The following ZNF362 variants were observed in gnomAD, a reference collection of about 807,000 sequenced individuals.
ZNF362 encodes the protein zinc finger protein 362.
A neutral mutation model predicts 42.9 loss-of-function variants in ZNF362; 11 were observed. That is an observed-to-expected ratio of 0.26 (90% CI 0.16 to 0.42). ZNF362 has a LOEUF of 0.42. Among genes scored for constraint, ZNF362 ranks in the 20% least tolerant of loss-of-function variants. ZNF362 has a pLI of 1.00. For synonymous variants in ZNF362, 255 were observed against 257.3 expected (o/e 0.99, Z 0.09); for missense variants, 362 against 576.2 (o/e 0.63, Z 3.81).
the ZNF362 span, among the ~76,000 whole-genome samples, chr1:33,177,051 G>GCA: frequency 2.6e-3 from 33 of 12,864 alleles, no homozygotes; most frequent in Non-Finnish European, 4.2e-3. This position sits in a 1 kb window ranked among gnomAD's most constrained non-coding sequence, Gnocchi z 4.1. Context: ...ACACACACAC[G>GCA]CACACACACA....
the ZNF362 span, among the ~76,000 whole-genome samples, chr1:33,214,060 T>G: frequency 1.3e-5 from 2 of 151,918 alleles, no homozygotes; most frequent in Non-Finnish European, 2.9e-5. Context: ...TCAATCCAAT[T>G]AAAAATGTGA....
intron 4 of ZNF362, among the ~76,000 whole-genome samples, chr1:33,279,729 C>G (rs1156936373): frequency 6.6e-6 from 1 of 151,086 alleles, no homozygotes; most frequent in Non-Finnish European, 1.5e-5. Flanking sequence ...TGTGTGCATA[C>G]ATACGTAGTT....
In ZNF362 at chr1:33,280,003, T is replaced by C. The variant is rs1340334891; in HGVS notation, c.350-121T>C. The C allele has an allele frequency of 2.5e-6, 3 of 1,208,840 alleles. No individual in the cohort carries two copies. Among genetic ancestry groups the C allele is most frequent in the Non-Finnish European group, 3.3e-6 (3 of 897,714 alleles). 74.9% of individuals were successfully genotyped at this position (1,208,840 alleles called of 1,614,324 possible). On this transcript the variant is annotated intron_variant, in intron 4 of 8. Transcript: ENST00000539719. The surrounding 1 kb of genome is among the most constrained non-coding windows in gnomAD (Gnocchi z 5.6). ...GCACAAGGTCTCATTTAGTTACCCC[T>C]GGGTAATAACTTATGAACGTTAAGG...
the ZNF362 span, among the ~76,000 whole-genome samples, chr1:33,131,435 G>A: frequency 2.0e-5 from 3 of 152,124 alleles, no homozygotes; most frequent in Non-Finnish European, 2.9e-5. Context: ...GTTAGCCACC[G>A]GCTTCCTGTG....
upstream of ZNF362, among the ~76,000 whole-genome samples, chr1:33,253,261 G>C (rs1260110533): frequency 6.8e-6 from 1 of 147,612 alleles, no homozygotes; most frequent in African/African-American, 2.5e-5. Flanking sequence ...ATGGGTGCCA[G>C]TGGCAAAGAG....
At chr1:33,198,077 T>C in the ZNF362 span, among the ~76,000 whole-genome samples, 1 of 152,050 alleles carries the variant, frequency 6.6e-6, no homozygotes. Flanking sequence ...TTAACTACAT[T>C]AAGAACAAAG....
chr1:33,182,475 A>G, the ZNF362 span, among the ~76,000 whole-genome samples: 34 of 152,206 alleles, frequency 2.2e-4, no homozygotes, highest in Non-Finnish European at 4.3e-4. Flanking sequence ...TCACACTCCT[A>G]AGCCCTGGGG....
the ZNF362 span, among the ~76,000 whole-genome samples, chr1:33,136,795 G>C: frequency 6.6e-6 from 1 of 151,296 alleles, no homozygotes; most frequent in Non-Finnish European, 1.5e-5. Context: ...TCAGGAGTCC[G>C]AGACCAGCCT....
the ZNF362 span, chr1:33,195,977 C>T: frequency 2.6e-5 from 4 of 152,104 alleles, no homozygotes; most frequent in African/African-American, 7.2e-5. Context: ...AACATGTACA[C>T]GTTGTACAGC....
At chr1:33,231,581 T>C in the ZNF362 span, among the ~76,000 whole-genome samples, 1,562 of 152,260 alleles carry the variant, frequency 0.01, 28 homozygotes, top group African/African-American at 0.036. Context: ...ACCACTTACC[T>C]GTCAGTCCAC....
At chr1:33,238,326 C>CAGAAAATAAAATAAA in the ZNF362 span, among the ~76,000 whole-genome samples, 1 of 85,178 alleles carries the variant, frequency 1.2e-5, no homozygotes, top group Non-Finnish European at 2.4e-5. Flanking sequence ...CTCAAAATAA[C>CAGAAAATAAAATAAA]ATAAAATAAA....
At chr1:33,213,981 T>A in the ZNF362 span, among the ~76,000 whole-genome samples, 1 of 152,134 alleles carries the variant, frequency 6.6e-6, no homozygotes, top group Non-Finnish European at 1.5e-5. Flanking sequence ...GTTCTAGATT[T>A]TAAGAGTGCA....
intron 6 of ZNF362, among the ~76,000 whole-genome samples, chr1:33,290,532 A>G (rs528339117): frequency 4.7e-4 from 71 of 152,258 alleles, no homozygotes; most frequent in Non-Finnish European, 7.5e-4. Flanking sequence ...ATACGTGTGC[A>G]TGTGTCTTTA....
chr1:33,204,445 T>C, the ZNF362 span, among the ~76,000 whole-genome samples: 1 of 152,246 alleles, frequency 6.6e-6, no homozygotes, highest in South Asian at 2.1e-4. Flanking sequence ...TAAATTGCTT[T>C]GGCTACTTGT....
rs1040703719 is a variant in ZNF362, at chr1:33,294,872, T to G, written c.909-65T>G. ...AGGCTTAGGGGCCAGAGTAAGGACT[T>G]GGGAACTGGAGCGGTCTTGGGGTGT... On this transcript the variant is annotated intron_variant, in intron 6 of 8. Coordinates refer to ENST00000539719, the MANE Select transcript of ZNF362 (RefSeq NM_152493.3). This position sits in a 1 kb window ranked among gnomAD's most constrained non-coding sequence, Gnocchi z 4.2. 1.6e-5 allele frequency: 26 copies of G among 1,581,710 alleles called. No homozygotes were observed. Among genetic ancestry groups the G allele is most frequent in the Admixed American group, 5.0e-5 (3 of 59,724 alleles).
the ZNF362 span, among the ~76,000 whole-genome samples, chr1:33,186,497 G>T: frequency 1.3e-5 from 2 of 151,292 alleles, no homozygotes; most frequent in Non-Finnish European, 2.9e-5. Flanking sequence ...GGGTCTCTAA[G>T]CAGAAACACA....
chr1:33,275,278 C>T lies in ZNF362; in HGVS notation c.39-822C>T, dbSNP rs534559971. On this transcript the variant is annotated intron_variant, in intron 2 of 8. Transcript: ENST00000539719. ...CCTGAAGGCCCATCCTTCATACTGC[C>T]CTGGTTGAAAAGGCCTTCTAACCGC... is the stretch of plus-strand genomic sequence containing the variant. 1.1e-4 allele frequency: 110 copies of T among 985,404 alleles called. No homozygotes were observed. In the African/African-American group the frequency reaches 1.8e-3, roughly 17 times the overall value. The allele number at this position is 985,404 out of a possible 1,614,324, so 61.0% of individuals were successfully genotyped here.
chr1:33,167,914 C>T, the ZNF362 span, among the ~76,000 whole-genome samples: 1 of 152,234 alleles, frequency 6.6e-6, no homozygotes, highest in Admixed American at 6.5e-5. This position sits in a 1 kb window ranked among gnomAD's most constrained non-coding sequence, Gnocchi z 4.2. Flanking sequence ...GTACCAGGCA[C>T]TGTTGAGGCA....
At chr1:33,137,630 T>G in the ZNF362 span, among the ~76,000 whole-genome samples, 1 of 152,114 alleles carries the variant, frequency 6.6e-6, no homozygotes, top group Admixed American at 6.5e-5. Flanking sequence ...ACATCACACT[T>G]AACCACACTA....
Sources: gnomAD v4.1 joint callset for allele counts (sites outside exome capture counted in the v4.1 genomes callset) on GRCh38, gnomAD v4.1.1 for gene constraint, Gnocchi (gnomAD v3.1) non-coding constraint, MANE v1.5 for transcripts, NCBI Gene and HGNC (gene_info 2026-07-23, HGNC 2026-07-21) for gene names.